Variants in IRF4 observed in about 807,000 individuals in gnomAD.
The protein encoded by IRF4 is lymphocyte-specific interferon regulatory factor.
IRF4 carries 13 observed loss-of-function variants against 55.5 expected under a neutral mutation model. The observed-to-expected ratio is 0.23, with a 90% CI of 0.15 to 0.37. The LOEUF is 0.37. Among genes scored for constraint, IRF4 ranks in the 10% least tolerant of loss-of-function variants. The pLI, the probability that IRF4 is intolerant of heterozygous loss-of-function variation, is 1.00. For synonymous variants in IRF4, 249 were observed against 240.7 expected (o/e 1.03, Z -0.32); for missense variants, 397 against 593.8 (o/e 0.67, Z 3.44).
chr6:395,054 C>T (rs879608776), intron 3 of IRF4, 47 bp downstream of exon 3: 10 of 1,376,602 alleles, frequency 7.3e-6, no homozygotes, highest in Non-Finnish European at 8.0e-6. Flanking sequence ...GCAGCCAGAT[C>T]CTTGAGGCAC....
chr6:402,964 G>A (rs565624650), intron 7 of IRF4, among the ~76,000 whole-genome samples: 11 of 152,376 alleles, frequency 7.2e-5, no homozygotes, highest in South Asian at 2.1e-4. Flanking sequence ...CCTGTGGGAG[G>A]CGGAGGTTGC....
At chr6:404,862 T>A (rs1255491325) in intron 7 of IRF4, among the ~76,000 whole-genome samples, 156 bp from the exon 8 acceptor site, 1 of 152,230 alleles carries the variant, frequency 6.6e-6, no homozygotes, top group Non-Finnish European at 1.5e-5. Flanking sequence ...ATTTTGTATC[T>A]GAGATGTTCA....
chr6:400,791 TACAC>T (rs5873749), intron 6 of IRF4, among the ~76,000 whole-genome samples: 26,719 of 149,570 alleles, frequency 0.18, 2,789 homozygotes, highest in African/African-American at 0.29. Context: ...TTTATATATG[TACAC>T]ACACACACAC....
chr6:408,667 A>T lies in IRF4; in HGVS notation c.*1069A>T, dbSNP rs180974601. On this transcript the variant is annotated 3_prime_UTR_variant, in exon 9 of 9. Transcript: ENST00000380956. ...TGCCCTTCTGTCCAAGTACTTAACT[A>T]TCTGTTCCCTTCCTCTGTGCCACGC... The T allele has an allele frequency of 1.3e-5, 3 of 229,814 alleles. No individual in the cohort carries two copies. The highest frequency in any genetic ancestry group is 6.6e-5 in the African/African-American group (3 of 45,156). 14.2% of individuals were successfully genotyped at this position (229,814 alleles called of 1,614,324 possible).
intron 7 of IRF4, among the ~76,000 whole-genome samples, chr6:403,704 C>T (rs913391076): frequency 6.6e-6 from 1 of 152,238 alleles, no homozygotes; most frequent in African/African-American, 2.4e-5. Flanking sequence ...TGCAGCCTCT[C>T]ACCTCAAAGT....
At chr6:398,803 A>T (rs1280277273) in intron 5 of IRF4, 25 bp from the exon 6 acceptor site, 1 of 1,565,652 alleles carries the variant, frequency 6.4e-7, no homozygotes, top group Non-Finnish European at 8.8e-7. Context: ...TCTAGACATC[A>T]TCTGATTTTT....
intron 7 of IRF4, 119 bp from the exon 8 acceptor site, chr6:404,899 A>G: frequency 1.5e-6 from 1 of 657,948 alleles, no homozygotes; most frequent in Admixed American, 2.4e-5. Context: ...CAGCGGAGTA[A>G]GAGTGCTCAT....
chr6:399,342 A>G (rs1234302579), intron 6 of IRF4, among the ~76,000 whole-genome samples: 1 of 152,186 alleles, frequency 6.6e-6, no homozygotes, highest in Non-Finnish European at 1.5e-5. Context: ...TTGAGCCACA[A>G]ATAAGTCCTC....
At chr6:400,570 G>T (rs1761369421) in intron 6 of IRF4, among the ~76,000 whole-genome samples, 1 of 151,922 alleles carries the variant, frequency 6.6e-6, no homozygotes, top group Non-Finnish European at 1.5e-5. Context: ...CTTTTCACAA[G>T]AATTAATTTT....
Position 393,428 on chromosome 6 carries a change from G to T in IRF4, c.216+60G>T, listed in dbSNP as rs921517679. ...GGGAGGGCCCAGAGACAGAGCCCGG[G>T]GTCCCCGGCGCCGCCTCCGAGGCGA... is the stretch of plus-strand genomic sequence containing the variant. On this transcript the variant is annotated intron_variant, in intron 2 of 8. Transcript: ENST00000380956. This position sits in a 1 kb window ranked among gnomAD's most constrained non-coding sequence, Gnocchi z 5.4. 4 of 1,260,000 alleles carry T rather than the reference G, an allele frequency of 3.2e-6. No homozygotes were observed. Among genetic ancestry groups the T allele is most frequent in the African/African-American group, 1.6e-5 (1 of 62,688 alleles). 78.1% of individuals were successfully genotyped at this position (1,260,000 alleles called of 1,614,324 possible).
chr6:400,139 A>G (rs559858773), intron 6 of IRF4, among the ~76,000 whole-genome samples: 2 of 152,290 alleles, frequency 1.3e-5, no homozygotes, highest in African/African-American at 4.8e-5. Context: ...GAGAATTGAG[A>G]CAGTGATGTG....
chr6:401,274 C>G, intron 6 of IRF4, 150 bp from the exon 7 acceptor site: 1 of 623,304 alleles, frequency 1.6e-6, no homozygotes, highest in Non-Finnish European at 2.8e-6. Flanking sequence ...GCTGTGTTTC[C>G]CAGGCCTCCT....
At chr6:396,022 G>C (rs1761245350) in intron 4 of IRF4, 87 bp downstream of exon 4, 1 of 1,040,326 alleles carries the variant, frequency 9.6e-7, no homozygotes, top group Non-Finnish European at 1.4e-6. Flanking sequence ...AGCCCAGACA[G>C]CAGAACTTGC....
intron 6 of IRF4, 125 bp downstream of exon 6, chr6:399,060 G>T: frequency 1.8e-6 from 1 of 555,864 alleles, no homozygotes; most frequent in East Asian, 2.8e-5. Flanking sequence ...GTCTGGAGTA[G>T]ATGTAGACAC....
chr6:406,369 C>A (rs1761542760), intron 8 of IRF4, among the ~76,000 whole-genome samples: 1 of 152,004 alleles, frequency 6.6e-6, no homozygotes, highest in African/African-American at 2.4e-5. Context: ...TGGTGAAACC[C>A]CCTCTCTACT....
At chr6:397,481 T>C in intron 5 of IRF4, 1 of 527,392 alleles carries the variant, frequency 1.9e-6, no homozygotes, top group Non-Finnish European at 3.4e-6. Flanking sequence ...TGGGATCTTA[T>C]TTAAACACCA....
rs776118956 is a variant in IRF4 at position 408,593 on chromosome 6, G to C, written c.*995G>C. The C allele has an allele frequency of 4.4e-6, 1 of 228,584 alleles. No homozygotes were observed. The highest frequency in any genetic ancestry group is 2.2e-5 in the African/African-American group (1 of 45,036). 14.2% of individuals were successfully genotyped at this position (228,584 alleles called of 1,614,324 possible). A position where few individuals can be genotyped will look rare whatever the true frequency, so the allele number is the denominator to read the frequency against. On this transcript the variant is annotated 3_prime_UTR_variant, in exon 9 of 9. Transcript: ENST00000380956. ...TTCTTTAGAGATGCTAAAATTCTTC[G>C]CATAAAGAAGAAGAAATTAAGGAAC...
chr6:403,740 T>C (rs1761468350), intron 7 of IRF4, among the ~76,000 whole-genome samples: 1 of 152,234 alleles, frequency 6.6e-6, no homozygotes, highest in Admixed American at 6.5e-5. Context: ...AGGAGGATGC[T>C]GTGAACGTAA....
intron 3 of IRF4, 113 bp from the exon 4 acceptor site, chr6:395,734 C>T (rs1354444890): frequency 1.4e-5 from 11 of 760,230 alleles, no homozygotes; most frequent in Middle Eastern, 2.3e-4. Flanking sequence ...TTGTCAACAC[C>T]GTGTTATGCA....
Sources: gnomAD v4.1 joint callset for allele counts (sites outside exome capture counted in the v4.1 genomes callset) on GRCh38, gnomAD v4.1.1 for gene constraint, Gnocchi (gnomAD v3.1) non-coding constraint, MANE v1.5 for transcripts, NCBI Gene and HGNC (gene_info 2026-07-23, HGNC 2026-07-21) for gene names.